PTPRJ: variants seen among roughly 807,000 people sequenced by gnomAD.
PTPRJ encodes receptor-type tyrosine-protein phosphatase eta.
A neutral mutation model predicts 141.3 loss-of-function variants in PTPRJ; 129 were observed. That is an observed-to-expected ratio of 0.91 (90% CI 0.79 to 1.06). PTPRJ has a LOEUF of 1.06. PTPRJ is among the 50% of genes least tolerant of loss of function. The pLI is 0.00. For synonymous variants in PTPRJ, 610 were observed against 640.5 expected (o/e 0.95, Z 0.72); for missense variants, 1,601 against 1,679.7 (o/e 0.95, Z 0.82).
intron 1 of PTPRJ, among the ~76,000 whole-genome samples, chr11:47,987,122 G>A (rs1301814542): frequency 6.6e-6 from 1 of 152,004 alleles, no homozygotes; most frequent in Admixed American, 6.6e-5. Context: ...TTGGGAGGAT[G>A]GCTTGAGCCC....
chr11:48,138,816 G>A (rs1425147947), intron 10 of PTPRJ, among the ~76,000 whole-genome samples: 5 of 152,132 alleles, frequency 3.3e-5, no homozygotes, highest in Non-Finnish European at 5.9e-5. Context: ...GGACAGTATA[G>A]GCCTCACCTG....
intron 10 of PTPRJ, among the ~76,000 whole-genome samples, chr11:48,139,013 G>C (rs1041957350): frequency 3.3e-5 from 5 of 152,166 alleles, no homozygotes; most frequent in African/African-American, 1.2e-4. Context: ...CATGCCTGTA[G>C]TCCCAGCGAC....
intron 1 of PTPRJ, among the ~76,000 whole-genome samples, chr11:48,104,702 T>C (rs1503191): frequency 1 from 152,350 of 152,356 alleles, 76,172 homozygotes; most frequent in Non-Finnish European, 1. Context: ...TGCCTTAATT[T>C]AGTCAATTCA....
At chr11:48,079,155 TAA>T (rs56332476) in intron 1 of PTPRJ, among the ~76,000 whole-genome samples, 6,442 of 144,738 alleles carry the variant, frequency 0.045, 148 homozygotes, top group African/African-American at 0.052. Context: ...GCTGATGAGC[TAA>T]AAAAAAAAAA....
At chr11:48,118,986 C>T (rs1434854247) in intron 3 of PTPRJ, among the ~76,000 whole-genome samples, 7 of 140,034 alleles carry the variant, frequency 5.0e-5, no homozygotes, top group African/African-American at 1.3e-4. Flanking sequence ...CGCCACTACA[C>T]TCCAGTCTGG....
Position 48,132,317 on chromosome 11 carries a change from C to T in PTPRJ, c.1615+1601C>T, listed in dbSNP as rs1401792367. ...TTGAGAGGCTGCGGCAGGAGGATTG[C>T]TTGGCCCAACAGTTGCAGACTAGCA... is the stretch of plus-strand genomic sequence containing the variant. On this transcript the variant is annotated intron_variant, in intron 8 of 24. Coordinates refer to ENST00000418331, the MANE Select transcript of PTPRJ (RefSeq NM_002843.4). The T allele has an allele frequency of 4.1e-6, 4 of 980,848 alleles. No homozygotes were observed. In the African/African-American group the frequency reaches 7.0e-5, roughly 17 times the overall value. 60.8% of individuals were successfully genotyped at this position (980,848 alleles called of 1,614,324 possible).
intron 1 of PTPRJ, among the ~76,000 whole-genome samples, chr11:48,053,344 TTA>T (rs2134250255): frequency 1.1e-5 from 1 of 93,576 alleles, no homozygotes; most frequent in East Asian, 2.4e-4. Flanking sequence ...ATATTATATA[TTA>T]TATATAAATA....
At chr11:48,034,664 T>G (rs1393556533) in intron 1 of PTPRJ, among the ~76,000 whole-genome samples, 1 of 152,198 alleles carries the variant, frequency 6.6e-6, no homozygotes, top group East Asian at 1.9e-4. Flanking sequence ...TTTTGCTCAT[T>G]TTGCAGGCAA....
chr11:48,164,431 C>G lies in PTPRJ; in HGVS notation c.3771C>G (p.Tyr1257Ter), dbSNP rs1857862018. The G allele has an allele frequency of 6.2e-7, 1 of 1,613,866 alleles. No individual in the cohort carries two copies. Among genetic ancestry groups the G allele is most frequent in the South Asian group, 1.1e-5 (1 of 91,074 alleles). ...GTFIAIDRLI[Y>*]QIENENTVDV... Reference sequence around the variant, plus strand: ...TCATTGCCATTGATCGTCTCATCTACCAGATAGAGAATGAGAACACCGTGG... The same window carrying G: ...TCATTGCCATTGATCGTCTCATCTAGCAGATAGAGAATGAGAACACCGTGG... The change falls in exon 24 of 25, where the codon TAC (tyrosine) becomes TAG (stop). Residue 1257 changes from tyrosine (Y) to a stop codon, truncating the protein, a stop_gained. Coordinates refer to ENST00000418331, the MANE Select transcript of PTPRJ (RefSeq NM_002843.4). LOFTEE classifies it high-confidence loss of function.
intron 1 of PTPRJ, among the ~76,000 whole-genome samples, chr11:48,094,227 C>T (rs1371966351): frequency 6.6e-6 from 1 of 152,188 alleles, no homozygotes; most frequent in Non-Finnish European, 1.5e-5. Context: ...ATTTAATTTG[C>T]TAAAACATGT....
intron 19 of PTPRJ, 136 bp downstream of exon 19, chr11:48,154,022 A>G (rs1857545914): frequency 1.4e-6 from 1 of 698,498 alleles, no homozygotes; most frequent in Non-Finnish European, 2.6e-6. Flanking sequence ...TTCCACAACC[A>G]TCCATTATTC....
chr11:47,987,820 A>G (rs1471547078), intron 1 of PTPRJ, among the ~76,000 whole-genome samples: 1 of 152,100 alleles, frequency 6.6e-6, no homozygotes, highest in African/African-American at 2.4e-5. Context: ...CAGTCATCCT[A>G]TTGTCTCAGA....
chr11:48,082,613 AT>A (rs59551272), intron 1 of PTPRJ, among the ~76,000 whole-genome samples: 104,345 of 147,654 alleles, frequency 0.71, 38,430 homozygotes, highest in East Asian at 0.84. Flanking sequence ...CCAGCCTGAT[AT>A]TGCTATTTTT....
chr11:48,095,123 T>C (rs938293770), intron 1 of PTPRJ, among the ~76,000 whole-genome samples: 1 of 152,232 alleles, frequency 6.6e-6, no homozygotes, highest in Non-Finnish European at 1.5e-5. Flanking sequence ...TTCTGTCCAG[T>C]GTCTATTCAG....
chr11:48,121,673 G>T (rs867062196), intron 4 of PTPRJ, among the ~76,000 whole-genome samples: 21 of 152,272 alleles, frequency 1.4e-4, no homozygotes, highest in African/African-American at 4.8e-4. Context: ...TTTTATAGGG[G>T]AGTGTGTGTT....
chr11:47,981,119 T>A (rs1390751949), intron 1 of PTPRJ, 111 bp downstream of exon 1: 1 of 1,072,678 alleles, frequency 9.3e-7, no homozygotes, highest in African/African-American at 1.7e-5. Context: ...GGGGCGGGGG[T>A]CCGGATCCCC....
chr11:48,158,084 G>A lies in PTPRJ; in HGVS notation c.3439-1846G>A, dbSNP rs552598286. Among the ~76,000 whole-genome samples, 41 of 152,178 alleles carry A rather than the reference G, an allele frequency of 2.7e-4. No homozygotes were observed. Among genetic ancestry groups the A allele is most frequent in the African/African-American group, 9.4e-4 (39 of 41,496 alleles). ...GGAGAATGGCCTGAACCCAGGAGGC[G>A]GAGGTTGCAGTGAGCCAAGATTGCA... On this transcript the variant is annotated intron_variant, in intron 21 of 24. Coordinates refer to ENST00000418331, the MANE Select transcript of PTPRJ (RefSeq NM_002843.4). The surrounding 1 kb of genome is among the most constrained non-coding windows in gnomAD (Gnocchi z 4.4).
chr11:48,035,677 A>G (rs1384827610), intron 1 of PTPRJ, among the ~76,000 whole-genome samples: 1 of 151,420 alleles, frequency 6.6e-6, no homozygotes, highest in African/African-American at 2.4e-5. Flanking sequence ...TTAGAGCCTC[A>G]ATGGGCACCA....
At chr11:48,112,151 G>T (rs1359745773) in intron 2 of PTPRJ, among the ~76,000 whole-genome samples, 3 of 152,176 alleles carry the variant, frequency 2.0e-5, no homozygotes, top group African/African-American at 7.2e-5. Context: ...AAGGGCAGAA[G>T]GTTGTGCTCC....
Sources: gnomAD v4.1 joint callset for allele counts (sites outside exome capture counted in the v4.1 genomes callset) on GRCh38, gnomAD v4.1.1 for gene constraint, Gnocchi (gnomAD v3.1) non-coding constraint, MANE v1.5 for transcripts, NCBI Gene and HGNC (gene_info 2026-07-23, HGNC 2026-07-21) for gene names.